Variants in ADGRL2 observed in about 807,000 individuals in gnomAD.
ADGRL2 encodes adhesion G protein-coupled receptor L2.
Under a neutral mutation model 157.4 loss-of-function variants are expected in ADGRL2, and 44 were observed. The ratio of observed to expected loss-of-function variants is 0.28; its 90% CI spans 0.22 to 0.36. The LOEUF (loss-of-function observed/expected upper bound fraction) is 0.36. Among genes scored for constraint, ADGRL2 ranks in the 10% least tolerant of loss-of-function variants. The probability of loss-of-function intolerance (pLI) is 1.00; values close to 1 mark genes in which losing one functional copy is unlikely to be tolerated. For synonymous variants in ADGRL2, 585 were observed against 624.7 expected (o/e 0.94, Z 0.95); for missense variants, 1,510 against 1,768.9 (o/e 0.85, Z 2.63).
At chr1:81,572,939 C>T (rs577119932) in intron 2 of ADGRL2, among the ~76,000 whole-genome samples, 11 of 149,840 alleles carry the variant, frequency 7.3e-5, no homozygotes, top group Admixed American at 2.0e-4. Flanking sequence ...TTTATGGGAA[C>T]GTAGTTTGAC....
At chr1:81,749,044 A>T (rs923718136) in intron 1 of ADGRL2, among the ~76,000 whole-genome samples, 2 of 152,178 alleles carry the variant, frequency 1.3e-5, no homozygotes, top group African/African-American at 4.8e-5. Context: ...AATATTTTTT[A>T]AAATAAAAAT....
intron 1 of ADGRL2, among the ~76,000 whole-genome samples, chr1:81,832,764 C>G (rs2092037464): frequency 6.6e-6 from 1 of 152,156 alleles, no homozygotes; most frequent in South Asian, 2.1e-4. Context: ...ACTCAAACCT[C>G]AAAGAATGCT....
At chr1:81,335,514 A>C (rs563616007) in intron 1 of ADGRL2, among the ~76,000 whole-genome samples, 2 of 152,368 alleles carry the variant, frequency 1.3e-5, no homozygotes, top group South Asian at 2.1e-4. Context: ...TCTTGTTCAC[A>C]AAAACACATA....
chr1:81,667,482 C>T (rs1270835799), intron 3 of ADGRL2, among the ~76,000 whole-genome samples: 1 of 152,118 alleles, frequency 6.6e-6, no homozygotes, highest in Admixed American at 6.5e-5. Flanking sequence ...TTTTATAGTG[C>T]TACATAACAG....
At chr1:81,425,065 C>T (rs1490411905) in intron 1 of ADGRL2, among the ~76,000 whole-genome samples, 1 of 152,172 alleles carries the variant, frequency 6.6e-6, no homozygotes, top group Non-Finnish European at 1.5e-5. Context: ...GATTCATCAG[C>T]AGAGGCTTTC....
rs1035212034 is a variant in ADGRL2, at chr1:81,991,198, C to T, written c.*53C>T. The T allele has an allele frequency of 1.3e-5, 20 of 1,494,118 alleles. No homozygotes were observed. The African/African-American group carries it at 2.2e-4, about 17-fold the overall frequency. The allele number at this position is 1,494,118 out of a possible 1,614,324, so 92.6% of individuals were successfully genotyped here. The stretch of plus-strand genomic sequence containing the variant: ...ACATGCGAGTATTAATAAATAAAGA[C>T]ACCATTGGCCTGACGCAGCTCCCTC... On this transcript the variant is annotated 3_prime_UTR_variant, in exon 24 of 24. Transcript: ENST00000686636.
At chr1:81,888,243 A>G (rs1193889528) in intron 2 of ADGRL2, among the ~76,000 whole-genome samples, 2 of 152,186 alleles carry the variant, frequency 1.3e-5, no homozygotes, top group Non-Finnish European at 2.9e-5. Context: ...ACAACTCTTT[A>G]TCAAAAGCTT....
intron 1 of ADGRL2, among the ~76,000 whole-genome samples, chr1:81,807,757 C>T (rs2089340464): frequency 6.6e-6 from 1 of 151,368 alleles, no homozygotes; most frequent in Non-Finnish European, 1.5e-5. Context: ...TAGAAATTTT[C>T]TTAATGTTTT....
rs767851795 is a variant in ADGRL2, at chr1:81,943,039, G to A, written c.480G>A (p.Ala160=). The change falls in exon 6 of 24, where the codon GCG becomes GCA. Residue 160 remains alanine (A), a synonymous_variant. Transcript: ENST00000686636. This position sits in a 1 kb window ranked among gnomAD's most constrained non-coding sequence, Gnocchi z 5.6. ...SPCIYEAEQK[A]GAWCKDPLQA... ...GTATATATGAAGCTGAACAAAAGGCGGGTGCTTGGTGCAAGGACCCTCTTC... is the reference window on the plus strand; with the variant it reads ...GTATATATGAAGCTGAACAAAAGGCAGGTGCTTGGTGCAAGGACCCTCTTC... 1.1e-5 allele frequency: 17 copies of A among 1,613,128 alleles called. No homozygotes were observed. In the East Asian group the frequency reaches 1.3e-4, roughly 13 times the overall value.
chr1:81,436,579 A>G (rs1163508916), intron 1 of ADGRL2, among the ~76,000 whole-genome samples: 6 of 152,184 alleles, frequency 3.9e-5, no homozygotes, highest in African/African-American at 1.2e-4. Flanking sequence ...TGTATTAATC[A>G]ATAGAAGGTG....
chr1:81,914,154 C>T (rs569269607), intron 3 of ADGRL2, among the ~76,000 whole-genome samples: 6 of 152,178 alleles, frequency 3.9e-5, no homozygotes, highest in South Asian at 4.1e-4. Flanking sequence ...TGTATACTCT[C>T]GTTGACGTAC....
Position 81,832,044 on chromosome 1 carries a change from A to G in ADGRL2, c.-100-4841A>G, listed in dbSNP as rs532629436. On this transcript the variant is annotated intron_variant, in intron 1 of 23. Coordinates refer to ENST00000686636, the MANE Select transcript of ADGRL2 (RefSeq NM_001366006.2). ...TGATATGTATCTTACAGTATTTCAG[A>G]CAACACAGAAGTTAGCTTTTTCCCA... Among the ~76,000 whole-genome samples, 5 of 152,320 alleles carry G rather than the reference A, an allele frequency of 3.3e-5. No homozygotes were observed. In the South Asian group the frequency reaches 1.0e-3, roughly 32 times the overall value.
intron 1 of ADGRL2, among the ~76,000 whole-genome samples, chr1:81,412,882 G>A (rs566805196): frequency 6.9e-6 from 1 of 144,948 alleles, no homozygotes; most frequent in African/African-American, 2.4e-5. Flanking sequence ...CTAAAAAGAG[G>A]AACTTTGAAA....
At chr1:81,442,007 CA>C (rs1281284373) in intron 1 of ADGRL2, among the ~76,000 whole-genome samples, 7 of 152,160 alleles carry the variant, frequency 4.6e-5, no homozygotes, top group African/African-American at 1.7e-4. Flanking sequence ...TTAATTTTTA[CA>C]ATTTTTATAG....
chr1:81,343,700 GTGTGACAGAGAGAGAGAGAGAAAGAGAT>G (rs1029632805), intron 1 of ADGRL2, among the ~76,000 whole-genome samples: 4 of 152,172 alleles, frequency 2.6e-5, no homozygotes, highest in South Asian at 2.1e-4. Flanking sequence ...GAGAAAGAGA[GTGTGACAGAGAGAGAGAGAGAAAGAGAT>G]TGTGACAGAG....
chr1:81,689,873 A>C (rs929971403), intron 3 of ADGRL2, among the ~76,000 whole-genome samples: 1 of 152,168 alleles, frequency 6.6e-6, no homozygotes, highest in African/African-American at 2.4e-5. Context: ...TCTTGAGCAC[A>C]GTCCTAGTTT....
chr1:81,510,523 G>A (rs892595865), intron 2 of ADGRL2, among the ~76,000 whole-genome samples: 1 of 151,948 alleles, frequency 6.6e-6, no homozygotes, highest in African/African-American at 2.4e-5. Context: ...CCCTTAAAAT[G>A]AGCCATGATT....
intron 19 of ADGRL2, 182 bp from the exon 20 acceptor site, chr1:81,984,388 GGACAGAGATACTT>G: frequency 2.0e-6 from 1 of 490,618 alleles, no homozygotes; most frequent in Non-Finnish European, 3.6e-6. Context: ...CCAGTCTAGT[GGACAGAGATACTT>G]TTCTGATTAC....
At chr1:81,631,226 T>TC (rs2082005201) in intron 3 of ADGRL2, among the ~76,000 whole-genome samples, 1 of 143,682 alleles carries the variant, frequency 7.0e-6, no homozygotes. Flanking sequence ...TTTTCTTTTG[T>TC]TTTTTTTTGA....
Sources: gnomAD v4.1 joint callset for allele counts (sites outside exome capture counted in the v4.1 genomes callset) on GRCh38, gnomAD v4.1.1 for gene constraint, Gnocchi (gnomAD v3.1) non-coding constraint, MANE v1.5 for transcripts, NCBI Gene and HGNC (gene_info 2026-07-23, HGNC 2026-07-21) for gene names.